The following NTM variants were observed in gnomAD, a reference collection of about 807,000 sequenced individuals.
NTM encodes IgLON family member 2.
In NTM, 13 loss-of-function variants were observed where a neutral mutation model predicts 42.1. The ratio of observed to expected loss-of-function variants is 0.31; its 90% confidence interval spans 0.20 to 0.49. The LOEUF is 0.49. Among genes scored for constraint, NTM ranks in the 20% least tolerant of loss-of-function variants. NTM has a pLI of 0.99. For synonymous variants in NTM, 187 were observed against 179.2 expected, an observed-to-expected ratio of 1.04 and a Z score of -0.35; for missense variants, 373 against 452.8, an observed-to-expected ratio of 0.82 and a Z score of 1.60.
intron 3 of NTM, among the ~76,000 whole-genome samples, chr11:132,193,512 C>A (rs182980303): frequency 1.2e-3 from 181 of 151,634 alleles, no homozygotes; most frequent in Non-Finnish European, 2.2e-3. Context: ...CATAGTTAAA[C>A]AGTGTTAAAA....
At chr11:131,575,801 A>G (rs2057874824) in intron 1 of NTM, among the ~76,000 whole-genome samples, 1 of 152,152 alleles carries the variant, frequency 6.6e-6, no homozygotes. Flanking sequence ...GATGGCATTT[A>G]CCTCTAACGA....
At chr11:132,164,644 G>A (rs964174560) in intron 3 of NTM, among the ~76,000 whole-genome samples, 6 of 151,930 alleles carry the variant, frequency 3.9e-5, no homozygotes, top group Non-Finnish European at 8.8e-5. Flanking sequence ...TAAATCTACT[G>A]TTGCCATGTT....
intron 3 of NTM, among the ~76,000 whole-genome samples, chr11:132,198,261 A>G (rs1412677004): frequency 2.0e-5 from 3 of 150,988 alleles, no homozygotes; most frequent in Non-Finnish European, 1.5e-5. Flanking sequence ...GCTGGGGTGC[A>G]GTGGTGCAGT....
At chr11:131,575,392 G>A (rs761462251) in intron 1 of NTM, among the ~76,000 whole-genome samples, 2 of 152,162 alleles carry the variant, frequency 1.3e-5, no homozygotes, top group East Asian at 3.9e-4. Flanking sequence ...TGGTTGAAAT[G>A]TTTCTGGAGT....
At chr11:132,171,239 C>G (rs1273803824) in intron 3 of NTM, among the ~76,000 whole-genome samples, 1 of 152,184 alleles carries the variant, frequency 6.6e-6, no homozygotes, top group African/African-American at 2.4e-5. Context: ...CATTCAGTCA[C>G]CTCTGCACGT....
intron 1 of NTM, among the ~76,000 whole-genome samples, chr11:131,692,013 T>A (rs905312611): frequency 2.6e-5 from 4 of 152,146 alleles, no homozygotes; most frequent in Non-Finnish European, 5.9e-5. Flanking sequence ...CATCAAGGCA[T>A]CCCACATGGC....
intron 4 of NTM, among the ~76,000 whole-genome samples, chr11:132,292,122 G>A (rs1161365603): frequency 6.6e-6 from 1 of 152,152 alleles, no homozygotes; most frequent in African/African-American, 2.4e-5. Flanking sequence ...AGCTGATGAA[G>A]GGAATTCCTT....
intron 1 of NTM, among the ~76,000 whole-genome samples, chr11:131,813,307 C>T (rs2092814228): frequency 6.6e-6 from 1 of 152,116 alleles, no homozygotes; most frequent in Non-Finnish European, 1.5e-5. Flanking sequence ...TTCTTTCGCA[C>T]CTTCAAAACA....
chr11:131,401,704 A>T (rs1249049931), intron 1 of NTM, among the ~76,000 whole-genome samples: 1 of 149,118 alleles, frequency 6.7e-6, no homozygotes, highest in Non-Finnish European at 1.5e-5. Flanking sequence ...AACTATTAGA[A>T]ATCATAAAGA....
At chr11:131,807,278 G>T (rs541051790) in intron 1 of NTM, among the ~76,000 whole-genome samples, 2 of 152,340 alleles carry the variant, frequency 1.3e-5, no homozygotes, top group African/African-American at 4.8e-5. Context: ...AGCTTTTAAA[G>T]GTTATTTGAA....
chr11:132,311,279 G>T lies in NTM; in HGVS notation c.782+1047G>T, dbSNP rs10894533. On this transcript the variant is annotated intron_variant, in intron 6 of 8. Coordinates refer to ENST00000683400, the MANE Select transcript of NTM (RefSeq NM_001352005.2). ...AAAATTGAATTTTGTTTAGAACCAC[G>T]TCAATCAGTTTTAAGATTCACTGGG... is the stretch of plus-strand genomic sequence containing the variant. 7.9e-5 allele frequency among the ~76,000 whole-genome samples: 12 copies of T among 152,104 alleles called. 1 individual carries two copies. The South Asian group carries it at 2.5e-3, about 32-fold the overall frequency.
intron 1 of NTM, among the ~76,000 whole-genome samples, chr11:131,825,268 C>A (rs780609709): frequency 2.6e-5 from 4 of 152,094 alleles, no homozygotes; most frequent in Middle Eastern, 3.4e-3. Context: ...GGGCCCCAGC[C>A]AATTCCAACA....
intron 2 of NTM, among the ~76,000 whole-genome samples, chr11:132,094,646 A>G (rs1306490332): frequency 1.3e-5 from 2 of 152,134 alleles, no homozygotes; most frequent in Non-Finnish European, 2.9e-5. Context: ...GGTGTTGGTA[A>G]ATAGAAGCCC....
chr11:132,245,071 G>A (rs550465467), intron 4 of NTM, among the ~76,000 whole-genome samples: 2 of 152,134 alleles, frequency 1.3e-5, no homozygotes, highest in South Asian at 2.1e-4. Flanking sequence ...TCTATCTGTC[G>A]TGAATATTAA....
At chr11:132,246,190 C>T (rs2091113686) in intron 4 of NTM, among the ~76,000 whole-genome samples, 1 of 152,216 alleles carries the variant, frequency 6.6e-6, no homozygotes. Flanking sequence ...AGTGCTGATT[C>T]AGGCAAAGGG....
intron 2 of NTM, among the ~76,000 whole-genome samples, chr11:132,142,298 AG>A (rs1204562737): frequency 6.6e-6 from 1 of 152,148 alleles, no homozygotes; most frequent in Non-Finnish European, 1.5e-5. Context: ...TGGAGTTTGA[AG>A]CCTTACTCAC....
intron 2 of NTM, among the ~76,000 whole-genome samples, chr11:131,972,597 T>TG (rs1197911036): frequency 6.6e-6 from 1 of 152,166 alleles, no homozygotes; most frequent in Non-Finnish European, 1.5e-5. Flanking sequence ...TGTTTTCATA[T>TG]GTTGGGTTCC....
intron 2 of NTM, among the ~76,000 whole-genome samples, chr11:131,925,404 T>A (rs1373030489): frequency 1.4e-5 from 2 of 146,042 alleles, no homozygotes; most frequent in Admixed American, 1.4e-4. Flanking sequence ...TTTTTTTTTT[T>A]AACAGGGTCT....
At chr11:131,836,116 T>C (rs942279225) in intron 1 of NTM, among the ~76,000 whole-genome samples, 8 of 152,210 alleles carry the variant, frequency 5.3e-5, no homozygotes, top group African/African-American at 1.9e-4. Flanking sequence ...TAACTGCTGG[T>C]AGTAATGCGG....
Sources: gnomAD v4.1 joint callset for allele counts (sites outside exome capture counted in the v4.1 genomes callset) on GRCh38, gnomAD v4.1.1 for gene constraint, MANE v1.5 for transcripts, NCBI Gene and HGNC (gene_info 2026-07-23, HGNC 2026-07-21) for gene names.